Variants in SKI observed in about 807,000 individuals in gnomAD.
SKI encodes SKI proto-oncogene.
SKI carries 23 observed loss-of-function variants against 59.3 expected under a neutral mutation model. That is an observed-to-expected ratio of 0.39 (90% confidence interval 0.28 to 0.55). The LOEUF is 0.55. SKI is among the 20% of genes least tolerant of loss of function. The pLI is 0.67. For missense variants in SKI, 1,017 were observed against 1,038.9 expected (o/e 0.98, Z 0.29); for synonymous variants, 673 against 488.6 (o/e 1.38, Z -4.98).
chr1:2,303,271 C>T lies in SKI; in HGVS notation c.1096-14C>T. On this transcript the variant is annotated splice_polypyrimidine_tract_variant and intron_variant, in intron 2 of 6. Transcript: ENST00000378536. This position sits in a 1 kb window ranked among gnomAD's most constrained non-coding sequence, Gnocchi z 5.6. ...TTCTCCTGGTCACTCACACAGACAACTCTTTCTCGACAGAGCCTGGGCTGT... is the reference window on the plus strand; with the variant it reads ...TTCTCCTGGTCACTCACACAGACAATTCTTTCTCGACAGAGCCTGGGCTGT... 2 of 1,612,488 alleles carry T rather than the reference C, an allele frequency of 1.2e-6. No homozygotes were observed. Among genetic ancestry groups the T allele is most frequent in the Non-Finnish European group, 1.7e-6 (2 of 1,179,434 alleles).
At chr1:2,298,000 C>T (rs571793149) in intron 1 of SKI, among the ~76,000 whole-genome samples, 12 of 152,308 alleles carry the variant, frequency 7.9e-5, no homozygotes, top group South Asian at 4.1e-4. Context: ...TCCATCCCCC[C>T]GCACCAGAGT....
intron 1 of SKI, among the ~76,000 whole-genome samples, chr1:2,282,873 G>A (rs971982564): frequency 2.6e-5 from 4 of 152,366 alleles, no homozygotes; most frequent in East Asian, 3.9e-4. Flanking sequence ...TCACCCCGGT[G>A]TGGGCCCAGT....
intron 1 of SKI, among the ~76,000 whole-genome samples, chr1:2,248,603 C>T (rs1045370877): frequency 1.3e-5 from 2 of 152,174 alleles, no homozygotes; most frequent in Admixed American, 6.5e-5. Flanking sequence ...CGGCGCTCTG[C>T]GCTGGTTCAG....
chr1:2,270,804 G>T lies in SKI; in HGVS notation c.970-32174G>T, dbSNP rs1462994095. ...TGTTTGGCTGTTGGACATCCTTGCT[G>T]TCCCTTTGCTGGACTCTCCAGAGGA... is the stretch of plus-strand genomic sequence containing the variant. On this transcript the variant is annotated intron_variant, in intron 1 of 6. Coordinates refer to ENST00000378536, the MANE Select transcript of SKI (RefSeq NM_003036.4). This position sits in a 1 kb window ranked among gnomAD's most constrained non-coding sequence, Gnocchi z 4.1. Among the ~76,000 whole-genome samples, 1 of 152,190 alleles carries T rather than the reference G, an allele frequency of 6.6e-6. No homozygotes were observed. The highest frequency in any genetic ancestry group is 1.5e-5 in the Non-Finnish European group (1 of 68,034).
intron 1 of SKI, among the ~76,000 whole-genome samples, chr1:2,296,188 G>C (rs1640280273): frequency 6.6e-6 from 1 of 151,568 alleles, no homozygotes; most frequent in Non-Finnish European, 1.5e-5. Context: ...GGACCAGCCA[G>C]GGCAACAAAG....
intron 1 of SKI, among the ~76,000 whole-genome samples, chr1:2,286,424 A>T (rs910116342): frequency 3.3e-5 from 5 of 152,162 alleles, no homozygotes; most frequent in South Asian, 2.1e-4. Flanking sequence ...GCAGCCTGGG[A>T]GGCAGAGATT....
In SKI at chr1:2,303,515, G is replaced by T; in HGVS notation, c.1211+115G>T. The T allele has an allele frequency of 2.2e-6, 2 of 925,792 alleles. No individual in the cohort carries two copies. The highest frequency in any genetic ancestry group is 1.5e-5 in the South Asian group (1 of 68,230). 57.3% of individuals were successfully genotyped at this position (925,792 alleles called of 1,614,324 possible). A position where few individuals can be genotyped will look rare whatever the true frequency, so the allele number is the denominator to read the frequency against. ...GGGTGCCCAGACCTGCCGCCTTTTG[G>T]TCAGGGCAGTCTCGGTGTTGGTTCC... On this transcript the variant is annotated intron_variant, in intron 3 of 6. Coordinates refer to ENST00000378536, the MANE Select transcript of SKI (RefSeq NM_003036.4). This position sits in a 1 kb window ranked among gnomAD's most constrained non-coding sequence, Gnocchi z 5.6.
rs1298200833 is a variant in SKI, at chr1:2,229,273, C to T, written c.507C>T (p.Phe169=). The stretch of plus-strand genomic sequence containing the variant: ...TCAAAGTCATGGGCATCCTGCCCTT[C>T]TCGGCGCCCTCGTGCGGGCTCATCA... The part of the protein sequence containing the change: ...EILKVMGILP[F]SAPSCGLITK... The change falls in exon 1 of 7, where the codon TTC becomes TTT. Residue 169 remains phenylalanine, a synonymous_variant. Coordinates refer to ENST00000378536, the MANE Select transcript of SKI (RefSeq NM_003036.4). This position sits in a 1 kb window ranked among gnomAD's most constrained non-coding sequence, Gnocchi z 6.3. The T allele has an allele frequency of 5.0e-6, 8 of 1,596,330 alleles. No individual in the cohort carries two copies. Among genetic ancestry groups the T allele is most frequent in the Middle Eastern group, 1.7e-4 (1 of 5,836 alleles).
chr1:2,272,471 G>A (rs752110655), intron 1 of SKI, among the ~76,000 whole-genome samples: 3 of 152,200 alleles, frequency 2.0e-5, no homozygotes, highest in Admixed American at 1.3e-4. Flanking sequence ...AGCTCCCAGC[G>A]GCACTGAATG....
At chr1:2,287,474 C>T (rs796879513) in intron 1 of SKI, among the ~76,000 whole-genome samples, 4 of 151,584 alleles carry the variant, frequency 2.6e-5, no homozygotes, top group Non-Finnish European at 5.9e-5. Context: ...GTAGCTGGGA[C>T]TACAGGTGCC....
In SKI at chr1:2,280,436, G is replaced by A. The variant is rs1332415910; in HGVS notation, c.970-22542G>A. Among the ~76,000 whole-genome samples, 7 of 151,748 alleles carry A rather than the reference G, an allele frequency of 4.6e-5. No individual in the cohort carries two copies. In the South Asian group the frequency reaches 8.3e-4, roughly 18 times the overall value. ...CAAGGGGGCTGCCCCTTCTACCCTC[G>A]TTGGGGAAGGCCTGGTCTGCTGTAA... On this transcript the variant is annotated intron_variant, in intron 1 of 6. Coordinates refer to ENST00000378536, the MANE Select transcript of SKI (RefSeq NM_003036.4).
chr1:2,254,186 C>T (rs1639225327), intron 1 of SKI, among the ~76,000 whole-genome samples: 1 of 152,216 alleles, frequency 6.6e-6, no homozygotes, highest in Admixed American at 6.5e-5. Context: ...GCTTGTTCCC[C>T]TCCAGACACT....
rs114025664 is a variant in SKI at position 2,275,251 on chromosome 1, C to T, written c.970-27727C>T. Among the ~76,000 whole-genome samples the T allele has an allele frequency of 5.4e-3, 816 of 152,316 alleles. 2 individuals are homozygous for T. Among genetic ancestry groups the T allele is most frequent in the Non-Finnish European group, 7.9e-3 (536 of 68,028 alleles). On this transcript the variant is annotated intron_variant, in intron 1 of 6. Coordinates refer to ENST00000378536, the MANE Select transcript of SKI (RefSeq NM_003036.4). ...GCCCCTGAGAGGTCAGAGCAGTGGC[C>T]GGCCCACGGCTCCGCTCAGGCGCCA...
intron 1 of SKI, among the ~76,000 whole-genome samples, chr1:2,288,077 C>T (rs938877715): frequency 7.2e-5 from 11 of 152,150 alleles, no homozygotes; most frequent in African/African-American, 2.7e-4. Flanking sequence ...CAACCTCCAC[C>T]TCCCGGGTTC....
At chr1:2,257,564 T>C (rs1057404005) in intron 1 of SKI, among the ~76,000 whole-genome samples, 1 of 152,272 alleles carries the variant, frequency 6.6e-6, no homozygotes, top group African/African-American at 2.4e-5. Context: ...CAATGCTTCC[T>C]TCATCCAAGA....
At chr1:2,258,503 CTTT>C (rs779297545) in intron 1 of SKI, among the ~76,000 whole-genome samples, 1 of 134,940 alleles carries the variant, frequency 7.4e-6, no homozygotes. Flanking sequence ...TGTCATTTTC[CTTT>C]TTTTTTTTTT....
intron 1 of SKI, among the ~76,000 whole-genome samples, chr1:2,279,048 CG>C (rs1280140423): frequency 1.3e-5 from 2 of 152,178 alleles, no homozygotes; most frequent in African/African-American, 4.8e-5. Context: ...GCCAGCTGCT[CG>C]GGGGCTTGGT....
At chr1:2,254,089 G>A (rs1467441955) in intron 1 of SKI, among the ~76,000 whole-genome samples, 1 of 152,222 alleles carries the variant, frequency 6.6e-6, no homozygotes, top group Non-Finnish European at 1.5e-5. Context: ...CACCATTCTA[G>A]ACATTCCAGG....
rs1182507725 is a variant in SKI, at chr1:2,307,772, C to T, written c.*1007C>T. On this transcript the variant is annotated 3_prime_UTR_variant, in exon 7 of 7. Coordinates refer to ENST00000378536, the MANE Select transcript of SKI (RefSeq NM_003036.4). ...ACAACCTTCCCTTCTCTTTCTATTC[C>T]CCAGTGAACTGAGGTTTTTACCGAT... 1.3e-5 allele frequency: 2 copies of T among 152,478 alleles called. No individual in the cohort carries two copies. Among genetic ancestry groups the T allele is most frequent in the African/African-American group, 4.8e-5 (2 of 41,390 alleles). 9.4% of individuals were successfully genotyped at this position (152,478 alleles called of 1,614,324 possible). A position where few individuals can be genotyped will look rare whatever the true frequency, so the allele number is the denominator to read the frequency against.
Sources: gnomAD v4.1 joint callset for allele counts (sites outside exome capture counted in the v4.1 genomes callset) on GRCh38, gnomAD v4.1.1 for gene constraint, Gnocchi (gnomAD v3.1) non-coding constraint, MANE v1.5 for transcripts, NCBI Gene and HGNC (gene_info 2026-07-23, HGNC 2026-07-21) for gene names.